Variants in RETREG3 observed in about 807,000 individuals in gnomAD.
RETREG3 encodes reticulophagy regulator 3.
A neutral mutation model predicts 50.2 loss-of-function variants in RETREG3; 23 were observed. The ratio of observed to expected loss-of-function variants is 0.46; its 90% CI spans 0.33 to 0.65. RETREG3 has a LOEUF of 0.65. Among genes scored for constraint, RETREG3 ranks in the 30% least tolerant of loss-of-function variants. The probability of loss-of-function intolerance (pLI) is 0.02; values close to 1 mark genes in which losing one functional copy is unlikely to be tolerated. For missense variants in RETREG3, 546 were observed against 598.0 expected (o/e 0.91, Z 0.91); for synonymous variants, 240 against 234.4 (o/e 1.02, Z -0.22).
chr17:42,603,730 C>T (rs546179912), intron 1 of RETREG3, among the ~76,000 whole-genome samples: 1 of 152,316 alleles, frequency 6.6e-6, no homozygotes, highest in South Asian at 2.1e-4. Context: ...GTAATCCCAG[C>T]ACTTTGGGAG....
In RETREG3 at chr17:42,589,976, G is replaced by A. The variant is rs1375954522; in HGVS notation, c.346+2080C>T. Among the ~76,000 whole-genome samples, 7 of 152,174 alleles carry A rather than the reference G, an allele frequency of 4.6e-5. No individual in the cohort carries two copies. In the East Asian group the frequency reaches 9.6e-4, roughly 21 times the overall value. ...AGCACTTTGGAAGGCCAAGGCACGC[G>A]GATCACTTGAGGTCAGGAGTTCAAG... On this transcript the variant is annotated intron_variant, in intron 2 of 8. Coordinates refer to ENST00000309428, the MANE Select transcript of RETREG3 (RefSeq NM_178126.4).
rs3067882 is a variant in RETREG3, at chr17:42,581,048, A to AAAAAAAAG, written c.*764_*765insCTTTTTTT. ...AGAGAGACTCTGTCTCAAAAAAAAA[A>AAAAAAAAG]AAAAGAAAAGAAAAGAAAAGAAAAA... On this transcript the variant is annotated 3_prime_UTR_variant, in exon 9 of 9. Coordinates refer to ENST00000309428, the MANE Select transcript of RETREG3 (RefSeq NM_178126.4). The AAAAAAAAG allele has an allele frequency of 2.1e-4, 25 of 117,922 alleles. No homozygotes were observed. The highest frequency in any genetic ancestry group is 5.7e-4 in the South Asian group (2 of 3,504). The allele number at this position is 117,922 out of a possible 1,614,324, so 7.3% of individuals were successfully genotyped here. A position where few individuals can be genotyped will look rare whatever the true frequency, so the allele number is the denominator to read the frequency against.
At position 42,589,040 on chromosome 17, in the gene RETREG3, G is replaced by A. The variant is rs533269021; in HGVS notation, c.347-1176C>T. Among the ~76,000 whole-genome samples, 12 of 151,808 alleles carry A rather than the reference G, an allele frequency of 7.9e-5. No individual in the cohort carries two copies. The East Asian group carries it at 2.3e-3, about 29-fold the overall frequency. On this transcript the variant is annotated intron_variant, in intron 2 of 8. Coordinates refer to ENST00000309428, the MANE Select transcript of RETREG3 (RefSeq NM_178126.4). The stretch of plus-strand genomic sequence containing the variant: ...TCTGCCTCCTTGGGGGGCTGAGGCA[G>A]GAGGATCACTTGAGCCCAGGAGTTC...
chr17:42,585,185 G>A lies in RETREG3; in HGVS notation c.667C>T (p.Leu223=). ...CGGACACTGAAGTCTAGCCGCTGCAGAGCTGGCTTCAGCCGCACATATGCT... is the reference window on the plus strand; with the variant it reads ...CGGACACTGAAGTCTAGCCGCTGCAAAGCTGGCTTCAGCCGCACATATGCT... ...DRAYVRLKPA[L]QRLDFSVRGY... The change falls in exon 6 of 9, where the codon CTG becomes TTG. Residue 223 remains leucine, a synonymous_variant. Transcript: ENST00000309428. 2 of 1,613,922 alleles carry A rather than the reference G, an allele frequency of 1.2e-6. No homozygotes were observed. Among genetic ancestry groups the A allele is most frequent in the Non-Finnish European group, 1.7e-6 (2 of 1,180,048 alleles).
At position 42,582,658 on chromosome 17, in the gene RETREG3, C is replaced by T; in HGVS notation, c.943+16G>A. The T allele has an allele frequency of 6.2e-7, 1 of 1,613,936 alleles. No individual in the cohort carries two copies. The highest frequency in any genetic ancestry group is 8.5e-7 in the Non-Finnish European group (1 of 1,179,908). The stretch of plus-strand genomic sequence containing the variant: ...AGTCAGAGCCATTATCAACTGAGGT[C>T]AAAGGCTCCCCTCACCTTCAGAGCC... On this transcript the variant is annotated intron_variant, in intron 8 of 8. Transcript: ENST00000309428.
At chr17:42,587,554 C>T in intron 3 of RETREG3, 1 of 333,282 alleles carries the variant, frequency 3.0e-6, no homozygotes, top group East Asian at 4.8e-5. Context: ...TTTAAGTTTT[C>T]TCACTGGGAC....
At chr17:42,587,149 C>T (rs1296959379) in intron 3 of RETREG3, among the ~76,000 whole-genome samples, 1 of 152,212 alleles carries the variant, frequency 6.6e-6, no homozygotes, top group African/African-American at 2.4e-5. Flanking sequence ...CTGTCCCCAG[C>T]TCCAAGGCCC....
In RETREG3 at chr17:42,609,331, G is replaced by A. The variant is rs1235978444; in HGVS notation, c.-7C>T. 1.0e-5 allele frequency: 16 copies of A among 1,593,914 alleles called. No homozygotes were observed. The highest frequency in any genetic ancestry group is 5.4e-5 in the African/African-American group (4 of 74,732). ...CCCCTTCGGCCTCAGCCATCTCCCC[G>A]CGGCAGCCACAACATCCGGGGCCGT... On this transcript the variant is annotated 5_prime_UTR_variant, in exon 1 of 9. Coordinates refer to ENST00000309428, the MANE Select transcript of RETREG3 (RefSeq NM_178126.4).
At chr17:42,585,417 CATG>C (rs1422849689) in intron 5 of RETREG3, among the ~76,000 whole-genome samples, 155 bp from the exon 6 acceptor site, 2 of 152,222 alleles carry the variant, frequency 1.3e-5, no homozygotes. Flanking sequence ...CTCCCCTACA[CATG>C]AAGGAGTCTT....
rs377540683 is a variant in RETREG3 at position 42,581,804 on chromosome 17, G to A, written c.*9C>T. On this transcript the variant is annotated 3_prime_UTR_variant, in exon 9 of 9. Coordinates refer to ENST00000309428, the MANE Select transcript of RETREG3 (RefSeq NM_178126.4). ...TAAACCACAGTGACTCCCAAAAGGAGTCTCTGCCTCAGTGGCTCCTAGAAC... is the reference window on the plus strand; with the variant it reads ...TAAACCACAGTGACTCCCAAAAGGAATCTCTGCCTCAGTGGCTCCTAGAAC... 24 of 1,554,856 alleles carry A rather than the reference G, an allele frequency of 1.5e-5. No homozygotes were observed. The highest frequency in any genetic ancestry group is 2.1e-5 in the Non-Finnish European group (24 of 1,151,004).
At chr17:42,607,853 C>G (rs1438743764) in intron 1 of RETREG3, among the ~76,000 whole-genome samples, 1 of 150,994 alleles carries the variant, frequency 6.6e-6, no homozygotes, top group African/African-American at 2.4e-5. Context: ...AAATGAAGAA[C>G]GTGGTAGGAA....
intron 1 of RETREG3, among the ~76,000 whole-genome samples, chr17:42,595,309 A>ATTGGCTAGGCTGGTC (rs1292745938): frequency 6.7e-6 from 1 of 149,940 alleles, no homozygotes; most frequent in Non-Finnish European, 1.5e-5. Context: ...GAGACACCAT[A>ATTGGCTAGGCTGGTC]TTGGCTAGGC....
At chr17:42,601,694 G>A (rs1448122030) in intron 1 of RETREG3, among the ~76,000 whole-genome samples, 1 of 136,984 alleles carries the variant, frequency 7.3e-6, no homozygotes, top group Non-Finnish European at 1.5e-5. Flanking sequence ...GTGCAGTGGC[G>A]CGATCTCGGG....
intron 1 of RETREG3, among the ~76,000 whole-genome samples, chr17:42,594,197 A>AG (rs2093139023): frequency 6.6e-6 from 1 of 152,162 alleles, no homozygotes; most frequent in South Asian, 2.1e-4. Context: ...TCTCAAAAAA[A>AG]CAAATATTGG....
chr17:42,597,523 G>GTATA (rs200368557), intron 1 of RETREG3, among the ~76,000 whole-genome samples: 1 of 117,026 alleles, frequency 8.5e-6, no homozygotes, highest in African/African-American at 3.5e-5. Context: ...GTGTGTGTGT[G>GTATA]TATATATATA....
chr17:42,583,421 C>G (rs1255353390), intron 7 of RETREG3, 77 bp downstream of exon 7: 2 of 1,427,514 alleles, frequency 1.4e-6, no homozygotes, highest in Non-Finnish European at 1.9e-6. Context: ...TGGTTATGGC[C>G]TAAATGTGAG....
At chr17:42,596,873 A>ATTT (rs11420307) in intron 1 of RETREG3, among the ~76,000 whole-genome samples, 3 of 144,262 alleles carry the variant, frequency 2.1e-5, no homozygotes, top group African/African-American at 2.6e-5. Context: ...GTTTGGAAGA[A>ATTT]TTTTTTTTTT....
intron 7 of RETREG3, 103 bp downstream of exon 7, chr17:42,583,395 T>A: frequency 1.0e-6 from 1 of 976,252 alleles, no homozygotes; most frequent in Non-Finnish European, 1.5e-6. Flanking sequence ...ACAAGGGGAG[T>A]CTAAGGCCTC....
rs1377184181 is a variant in RETREG3 at position 42,592,134 on chromosome 17, C to T, written c.268G>A (p.Val90Met). ...ATCAAGCCAAATGCAAGTAAAAACACAAGACGAAGAGATGTCAGGGCAAAA... is the reference window on the plus strand; with the variant it reads ...ATCAAGCCAAATGCAAGTAAAAACATAAGACGAAGAGATGTCAGGGCAAAA... ...WFFALTSLRL[V>M]FLLAFGLMII... Residue 90 changes from valine (V) to methionine (M), a missense_variant, in exon 2 of 9, where the codon GTG (valine) becomes ATG (methionine). Physicochemically the swap from Val to Met is conservative, Grantham distance 21 (BLOSUM62 1). Transcript: ENST00000309428. 2.5e-6 allele frequency: 4 copies of T among 1,613,728 alleles called. No homozygotes were observed. The highest frequency in any genetic ancestry group is 2.2e-5 in the East Asian group (1 of 44,878).
Sources: allele counts gnomAD v4.1 joint callset (sites outside exome capture counted in the v4.1 genomes callset), GRCh38; gene constraint gnomAD v4.1.1; transcripts MANE v1.5; gene names NCBI Gene and HGNC (gene_info 2026-07-23, HGNC 2026-07-21).